SKIC3: variants seen among roughly 807,000 people sequenced by gnomAD.
SKIC3 encodes SKI3 subunit of superkiller complex.
At chr5:95,482,555 G>A in the SKIC3 span, 2 of 1,614,016 alleles carry the variant, frequency 1.2e-6, no homozygotes, top group Non-Finnish European at 1.7e-6. Context: ...TGGCTTTTGT[G>A]ACTCCAGGAG....
At chr5:95,517,043 AATG>A in the SKIC3 span, 1 of 1,613,682 alleles carries the variant, frequency 6.2e-7, no homozygotes, top group Admixed American at 1.7e-5. Flanking sequence ...CATCAGTTTT[AATG>A]CACGACCATA....
the SKIC3 span, among the ~76,000 whole-genome samples, chr5:95,534,925 T>C: frequency 6.6e-6 from 1 of 152,182 alleles, no homozygotes; most frequent in Non-Finnish European, 1.5e-5. Flanking sequence ...ACATCTCCTC[T>C]CAATAACCTA....
chr5:95,509,653 C>T, the SKIC3 span: 8 of 1,613,924 alleles, frequency 5.0e-6, no homozygotes, highest in South Asian at 8.8e-5. Context: ...AGTAACCCAA[C>T]ATTGTGAAAG....
chr5:95,519,849 T>C, the SKIC3 span, among the ~76,000 whole-genome samples: 3 of 152,186 alleles, frequency 2.0e-5, no homozygotes, highest in African/African-American at 4.8e-5. Flanking sequence ...ACATTTACTC[T>C]TAAATAGCAG....
chr5:95,539,382 T>C, the SKIC3 span, among the ~76,000 whole-genome samples: 2 of 151,756 alleles, frequency 1.3e-5, no homozygotes, highest in African/African-American at 2.4e-5. Flanking sequence ...GAAATGCAAA[T>C]CAAAACCACA....
At chr5:95,516,928 C>A in the SKIC3 span, 2 of 1,603,524 alleles carry the variant, frequency 1.2e-6, no homozygotes, top group East Asian at 4.5e-5. Flanking sequence ...GTAAAGATTT[C>A]TCCAGCAACT....
At chr5:95,531,518 C>A in the SKIC3 span, among the ~76,000 whole-genome samples, 1 of 152,124 alleles carries the variant, frequency 6.6e-6, no homozygotes, top group African/African-American at 2.4e-5. Flanking sequence ...ACACCCTATA[C>A]CCTCCCAAGA....
the SKIC3 span, among the ~76,000 whole-genome samples, chr5:95,538,631 T>C: frequency 6.6e-6 from 1 of 152,116 alleles, no homozygotes; most frequent in African/African-American, 2.4e-5. Context: ...CTTTTAAAGT[T>C]ACAAATAAAA....
chr5:95,524,478 G>T, the SKIC3 span: 4 of 1,613,150 alleles, frequency 2.5e-6, no homozygotes, highest in Non-Finnish European at 3.4e-6. Flanking sequence ...CAGAAAGTGG[G>T]TAAGAGCCTT....
At chr5:95,509,680 A>G in the SKIC3 span, 2 of 1,608,614 alleles carry the variant, frequency 1.2e-6, no homozygotes, top group African/African-American at 2.7e-5. Context: ...CATAATTCTG[A>G]ATTCTTTCTA....
the SKIC3 span, chr5:95,528,925 C>A: frequency 8.0e-7 from 1 of 1,249,632 alleles, no homozygotes; most frequent in Non-Finnish European, 1.2e-6. Flanking sequence ...TTAAAAATCA[C>A]TATCTTTGTC....
chr5:95,553,797 G>C, the SKIC3 span, among the ~76,000 whole-genome samples: 1 of 152,228 alleles, frequency 6.6e-6, no homozygotes, highest in Non-Finnish European at 1.5e-5. Context: ...AACCTTCGGT[G>C]ATCCGCCCGT....
chr5:95,469,091 C>G, the SKIC3 span, among the ~76,000 whole-genome samples: 36,781 of 152,014 alleles, frequency 0.24, 5,839 homozygotes, highest in African/African-American at 0.45. Flanking sequence ...CTATTCTGTT[C>G]CAGTGATGTT....
the SKIC3 span, among the ~76,000 whole-genome samples, chr5:95,488,367 T>C: frequency 6.6e-6 from 1 of 152,084 alleles, no homozygotes; most frequent in Admixed American, 6.5e-5. Context: ...CAAAAGATGT[T>C]CTCCATGGCA....
the SKIC3 span, chr5:95,527,950 ATGGTTGTTGCC>A: frequency 6.3e-7 from 1 of 1,587,680 alleles, no homozygotes; most frequent in Non-Finnish European, 8.6e-7. Flanking sequence ...TAGGCAGAGA[ATGGTTGTTGCC>A]TGGTTGATTG....
chr5:95,484,793 A>T, the SKIC3 span: 1 of 1,614,128 alleles, frequency 6.2e-7, no homozygotes, highest in East Asian at 2.2e-5. Context: ...CTTGTGAGAG[A>T]GACCACTTTT....
chr5:95,515,764 CCAGCTGAAACACAAAA>C, the SKIC3 span, among the ~76,000 whole-genome samples: 1 of 151,988 alleles, frequency 6.6e-6, no homozygotes, highest in Non-Finnish European at 1.5e-5. Context: ...ATTCAATATA[CCAGCTGAAACACAAAA>C]CAGTTCAGAC....
the SKIC3 span, among the ~76,000 whole-genome samples, chr5:95,490,441 ATG>A: frequency 6.1e-5 from 9 of 147,282 alleles, no homozygotes; most frequent in South Asian, 1.9e-3. Context: ...TCATTAAATA[ATG>A]TATATATATA....
At chr5:95,492,496 G>T in the SKIC3 span, among the ~76,000 whole-genome samples, 1 of 147,100 alleles carries the variant, frequency 6.8e-6, no homozygotes, top group South Asian at 2.2e-4. Context: ...AATTAGCCGG[G>T]CGTAGTGGCG....
Sources: gnomAD v4.1 joint callset for allele counts (sites outside exome capture counted in the v4.1 genomes callset) on GRCh38, gnomAD v4.1.1 for gene constraint, MANE v1.5 for transcripts, NCBI Gene and HGNC (gene_info 2026-07-23, HGNC 2026-07-21) for gene names.